The following MAST2 variants were observed in gnomAD, a reference collection of about 807,000 sequenced individuals.
MAST2 encodes microtubule associated serine/threonine kinase 2, also known as microtubule-associated serine/threonine-protein kinase 2.
Under a neutral mutation model 147.4 loss-of-function variants are expected in MAST2, and 70 were observed. The ratio of observed to expected loss-of-function variants is 0.47; its 90% confidence interval spans 0.39 to 0.58. The LOEUF is 0.58. MAST2 is among the 20% of genes least tolerant of loss of function. The pLI, the probability that MAST2 is intolerant of heterozygous loss-of-function variation, is 0.00. For missense variants in MAST2, 2,080 were observed against 2,302.3 expected (o/e 0.90, Z 1.98); for synonymous variants, 869 against 896.8 (o/e 0.97, Z 0.55).
intron 5 of MAST2, among the ~76,000 whole-genome samples, chr1:45,981,838 A>G (rs957634983): frequency 1.4e-5 from 2 of 143,840 alleles, no homozygotes; most frequent in Non-Finnish European, 3.0e-5. Context: ...AAATGGTGGT[A>G]ATTTTGGCTT....
intron 11 of MAST2, among the ~76,000 whole-genome samples, chr1:46,020,828 A>G (rs1479960394): frequency 6.6e-6 from 1 of 152,280 alleles, no homozygotes; most frequent in Non-Finnish European, 1.5e-5. Flanking sequence ...TTCACTCAGC[A>G]TGTTTGTAGA....
chr1:45,857,720 A>C (rs192059109), intron 3 of MAST2, among the ~76,000 whole-genome samples: 10 of 152,184 alleles, frequency 6.6e-5, no homozygotes, highest in African/African-American at 2.4e-4. Context: ...CATTTACATT[A>C]GGTATATCTC....
intron 10 of MAST2, among the ~76,000 whole-genome samples, chr1:46,018,879 T>C (rs775557345): frequency 6.6e-6 from 1 of 152,226 alleles, no homozygotes; most frequent in Non-Finnish European, 1.5e-5. Flanking sequence ...AGAACTGAGC[T>C]TATCTTTTCT....
Position 45,935,236 on chromosome 1 carries a change from A to G in MAST2, c.501-24150A>G, listed in dbSNP as rs75865712. ...GTTCATGTCTTTTGCCTATTTTTTAATGGGGTTATTTGTTTTTTGCTTGTT... is the reference window on the plus strand; with the variant it reads ...GTTCATGTCTTTTGCCTATTTTTTAGTGGGGTTATTTGTTTTTTGCTTGTT... On this transcript the variant is annotated intron_variant, in intron 4 of 28. Coordinates refer to ENST00000361297, the MANE Select transcript of MAST2 (RefSeq NM_015112.3). 5.3e-5 allele frequency among the ~76,000 whole-genome samples: 8 copies of G among 152,074 alleles called. No homozygotes were observed. The East Asian group carries it at 1.4e-3, about 26-fold the overall frequency.
chr1:45,827,477 G>T (rs971911112), intron 2 of MAST2, among the ~76,000 whole-genome samples: 2 of 152,116 alleles, frequency 1.3e-5, no homozygotes, highest in Admixed American at 1.3e-4. Context: ...TTTGAAGAGA[G>T]AGATGATAGT....
At position 46,029,268 on chromosome 1, in the gene MAST2, G is replaced by C. The variant is rs1242066501; in HGVS notation, c.2219-198G>C. 6.2e-5 allele frequency: 35 copies of C among 561,730 alleles called. 1 individual carries two copies. Among genetic ancestry groups the C allele is most frequent in the Non-Finnish European group, 1.3e-5 (4 of 315,714 alleles). 34.8% of individuals were successfully genotyped at this position (561,730 alleles called of 1,614,324 possible). ...AAGCAGGGTGAGCTAGAGCTTTGCA[G>C]TGCCTGCTGTGGATCAAAGATCAAG... On this transcript the variant is annotated intron_variant, in intron 18 of 28. Transcript: ENST00000361297.
intron 8 of MAST2, among the ~76,000 whole-genome samples, chr1:46,006,750 G>A (rs12049588): frequency 0.45 from 67,829 of 151,906 alleles, 15,328 homozygotes; most frequent in East Asian, 0.63. Flanking sequence ...ACCCCAGGAG[G>A]TATTTAACAA....
chr1:46,030,606 G>A lies in MAST2; in HGVS notation c.2554-1G>A. 2 of 1,606,908 alleles carry A rather than the reference G, an allele frequency of 1.2e-6. No homozygotes were observed. The highest frequency in any genetic ancestry group is 1.7e-6 in the Non-Finnish European group (2 of 1,177,938). On this transcript the variant is annotated splice_acceptor_variant, in intron 21 of 28. Transcript: ENST00000361297. LOFTEE classifies it high-confidence loss of function. ...CCCCAGCGCATCCCCTGTGCCCACA[G>A]GTGTACAGCAGCATGGAGCGGCTCT...
At chr1:45,844,455 T>C (rs1645369679) in intron 3 of MAST2, among the ~76,000 whole-genome samples, 1 of 152,120 alleles carries the variant, frequency 6.6e-6, no homozygotes, top group African/African-American at 2.4e-5. Context: ...GCTAATTTTT[T>C]GTATTTTTAG....
chr1:45,818,669 C>G (rs899742386), intron 1 of MAST2, among the ~76,000 whole-genome samples: 2 of 152,146 alleles, frequency 1.3e-5, no homozygotes, highest in Non-Finnish European at 2.9e-5. Context: ...TTCCGATGGT[C>G]GGCCACTACA....
chr1:45,898,774 A>G (rs1235615215), intron 4 of MAST2, among the ~76,000 whole-genome samples: 1 of 152,164 alleles, frequency 6.6e-6, no homozygotes, highest in Non-Finnish European at 1.5e-5. Context: ...GTGCAAAAGG[A>G]TCATGTCTAG....
chr1:45,918,836 G>C (rs1652988452), intron 4 of MAST2, among the ~76,000 whole-genome samples: 1 of 152,170 alleles, frequency 6.6e-6, no homozygotes, highest in Non-Finnish European at 1.5e-5. Context: ...CGCTGGGCTG[G>C]GCGCAGTGGC....
At chr1:45,927,568 A>C (rs4279789) in intron 4 of MAST2, among the ~76,000 whole-genome samples, 1 of 152,252 alleles carries the variant, frequency 6.6e-6, no homozygotes, top group Non-Finnish European at 1.5e-5. Flanking sequence ...GTTCTGCCTG[A>C]CTCACCGGCG....
chr1:45,956,984 A>G (rs1659749216), intron 4 of MAST2, among the ~76,000 whole-genome samples: 1 of 152,214 alleles, frequency 6.6e-6, no homozygotes, highest in Non-Finnish European at 1.5e-5. Context: ...ATGTGGGATG[A>G]TTGACTTGGA....
At chr1:46,015,791 T>G (rs982978602) in intron 10 of MAST2, among the ~76,000 whole-genome samples, 5 of 152,056 alleles carry the variant, frequency 3.3e-5, no homozygotes, top group Non-Finnish European at 7.4e-5. Flanking sequence ...TTCCAATCAA[T>G]AGAAAAAGAG....
At chr1:45,824,078 A>G (rs946906004) in intron 1 of MAST2, among the ~76,000 whole-genome samples, 23 of 152,194 alleles carry the variant, frequency 1.5e-4, no homozygotes, top group African/African-American at 5.1e-4. Flanking sequence ...TTTTTAAACT[A>G]AAATATGCTT....
At chr1:45,961,421 C>G (rs1570944381) in intron 5 of MAST2, among the ~76,000 whole-genome samples, 1 of 152,180 alleles carries the variant, frequency 6.6e-6, no homozygotes, top group Non-Finnish European at 1.5e-5. Flanking sequence ...CTACTGGCTG[C>G]TCTTCTCTAG....
rs1557496452 is a variant in MAST2, at chr1:46,023,948, G to GC, written c.1750dup (p.His584ProfsTer10). The GC allele has an allele frequency of 6.2e-7, 1 of 1,614,082 alleles. No homozygotes were observed. Among genetic ancestry groups the GC allele is most frequent in the Non-Finnish European group, 8.5e-7 (1 of 1,180,042 alleles). On this transcript the variant is annotated frameshift_variant, in exon 15 of 29. Coordinates refer to ENST00000361297, the MANE Select transcript of MAST2 (RefSeq NM_015112.3). LOFTEE classifies it high-confidence loss of function. This position sits in a 1 kb window ranked among gnomAD's most constrained non-coding sequence, Gnocchi z 4.9. ...ATGTTCTGCTCCTTTGATACCAAGC[G>GC]CCACTTGTGCATGGTGATGGAGTAC... is the stretch of plus-strand genomic sequence containing the variant.
chr1:45,874,888 G>A (rs903743818), intron 3 of MAST2, among the ~76,000 whole-genome samples: 1 of 152,160 alleles, frequency 6.6e-6, no homozygotes, highest in Non-Finnish European at 1.5e-5. Flanking sequence ...ACTTGCCAGA[G>A]GAAACGAAGT....
Sources: gnomAD v4.1 joint callset for allele counts (sites outside exome capture counted in the v4.1 genomes callset) on GRCh38, gnomAD v4.1.1 for gene constraint, Gnocchi (gnomAD v3.1) non-coding constraint, MANE v1.5 for transcripts, NCBI Gene and HGNC (gene_info 2026-07-23, HGNC 2026-07-21) for gene names.